Variants in ARHGAP10 observed in about 807,000 individuals in gnomAD.
ARHGAP10 encodes Rho GTPase activating protein 10.
Under a neutral mutation model 108.6 loss-of-function variants are expected in ARHGAP10, and 87 were observed. The observed-to-expected ratio is 0.80, with a 90% confidence interval of 0.67 to 0.96. The LOEUF is 0.96. Ranked by LOEUF, ARHGAP10 falls within the 40% of genes least tolerant of loss-of-function variation. ARHGAP10 has a pLI of 0.00. For synonymous variants in ARHGAP10, 347 were observed against 341.1 expected, an observed-to-expected ratio of 1.02 and a Z score of -0.19; for missense variants, 939 against 954.5, an observed-to-expected ratio of 0.98 and a Z score of 0.21.
intron 13 of ARHGAP10, among the ~76,000 whole-genome samples, chr4:147,918,247 T>G (rs1433692010): frequency 2.0e-5 from 3 of 150,872 alleles, no homozygotes; most frequent in Non-Finnish European, 1.5e-5. Flanking sequence ...ACCATTCTCC[T>G]GCCTCAGCCT....
intron 10 of ARHGAP10, among the ~76,000 whole-genome samples, chr4:147,901,309 T>G (rs946161367): frequency 6.6e-6 from 1 of 152,222 alleles, no homozygotes; most frequent in Non-Finnish European, 1.5e-5. Flanking sequence ...GAGCAGTCTT[T>G]GTGAGAGGGT....
At chr4:147,908,447 T>C (rs1451112832) in intron 11 of ARHGAP10, among the ~76,000 whole-genome samples, 1 of 152,180 alleles carries the variant, frequency 6.6e-6, no homozygotes, top group Non-Finnish European at 1.5e-5. Context: ...ATAACCTCTC[T>C]TTTAGAGTCA....
At chr4:147,873,444 G>C (rs1185106658) in intron 7 of ARHGAP10, among the ~76,000 whole-genome samples, 1 of 151,806 alleles carries the variant, frequency 6.6e-6, no homozygotes, top group African/African-American at 2.4e-5. Flanking sequence ...ATACACACAT[G>C]GGGGGAAATG....
In ARHGAP10 at chr4:147,866,743, T is replaced by G; in HGVS notation, c.629T>G (p.Phe210Cys). The change falls in exon 7 of 23, where the codon TTC becomes TGC. Residue 210 changes from phenylalanine (F) to cysteine (C), a missense_variant. Transcript: ENST00000336498. ...TCATTTTTTCAGGGGATGTTTACCT[T>G]CTATCATCAGGGCCATGAACTTGCC... ...MLSFFQGMFTFYHQGHELAKD... is the reference protein window; with the variant it reads ...MLSFFQGMFTCYHQGHELAKD... 1 of 1,613,976 alleles carries G rather than the reference T, an allele frequency of 6.2e-7. No homozygotes were observed. The highest frequency in any genetic ancestry group is 1.6e-4 in the Middle Eastern group (1 of 6,062).
Position 147,732,275 on chromosome 4 carries a change from G to C in ARHGAP10, c.-27G>C. The C allele has an allele frequency of 2.6e-6, 4 of 1,565,994 alleles. No homozygotes were observed. Among genetic ancestry groups the C allele is most frequent in the Non-Finnish European group, 3.4e-6 (4 of 1,161,678 alleles). On this transcript the variant is annotated 5_prime_UTR_variant, in exon 1 of 23. Transcript: ENST00000336498. ...GGCTCGGGCAGGAGCGCGCGGCCGT[G>C]CGCACCGCGCAGCGACCGCTGCCGT...
chr4:147,812,266 G>T (rs1419611088), intron 1 of ARHGAP10, among the ~76,000 whole-genome samples: 2 of 152,128 alleles, frequency 1.3e-5, no homozygotes, highest in East Asian at 1.9e-4. Flanking sequence ...TTGAAAAATG[G>T]GGTACTTGGT....
intron 13 of ARHGAP10, among the ~76,000 whole-genome samples, chr4:147,928,304 G>GGACAGTAGTGAGTGGATGT (rs1281763713): frequency 6.6e-6 from 1 of 152,148 alleles, no homozygotes; most frequent in Admixed American, 6.6e-5. Context: ...TCCTGGGATG[G>GGACAGTAGTGAGTGGATGT]GACAGTAGTG....
chr4:147,797,262 T>C (rs1731353848), intron 1 of ARHGAP10, among the ~76,000 whole-genome samples: 1 of 152,114 alleles, frequency 6.6e-6, no homozygotes, highest in Non-Finnish European at 1.5e-5. Context: ...GACTCCTTAT[T>C]ACCCTCCAGA....
intron 4 of ARHGAP10, 131 bp from the exon 5 acceptor site, chr4:147,857,422 G>C: frequency 2.2e-6 from 2 of 891,696 alleles, no homozygotes; most frequent in Non-Finnish European, 3.0e-6. Flanking sequence ...TGTTTTTTTA[G>C]ATAGCTTTAT....
At chr4:148,020,029 A>G (rs1741506690) in intron 18 of ARHGAP10, among the ~76,000 whole-genome samples, 1 of 152,188 alleles carries the variant, frequency 6.6e-6, no homozygotes, top group African/African-American at 2.4e-5. Context: ...AGTATCCCAC[A>G]TCTGAAAATC....
chr4:147,767,420 A>G (rs374871646), intron 1 of ARHGAP10, among the ~76,000 whole-genome samples: 1 of 151,930 alleles, frequency 6.6e-6, no homozygotes, highest in East Asian at 1.9e-4. Flanking sequence ...TCTGAGTGGT[A>G]ACTTAGTTTC....
intron 1 of ARHGAP10, among the ~76,000 whole-genome samples, chr4:147,811,670 T>C (rs1732027195): frequency 1.3e-5 from 2 of 152,206 alleles, no homozygotes; most frequent in Non-Finnish European, 2.9e-5. Context: ...AGCTGTTTTA[T>C]GTGCAACTGC....
intron 16 of ARHGAP10, among the ~76,000 whole-genome samples, chr4:147,958,793 T>C (rs985522416): frequency 6.6e-6 from 1 of 152,232 alleles, no homozygotes; most frequent in Admixed American, 6.5e-5. Context: ...TGAAATAATT[T>C]AGCATTTATC....
intron 18 of ARHGAP10, among the ~76,000 whole-genome samples, chr4:147,978,859 T>C (rs1051033259): frequency 6.6e-6 from 1 of 152,254 alleles, no homozygotes; most frequent in Non-Finnish European, 1.5e-5. Context: ...TTTGTCCGTC[T>C]TCTTTTGAGA....
intron 3 of ARHGAP10, among the ~76,000 whole-genome samples, chr4:147,832,369 C>G (rs1732986260): frequency 6.7e-6 from 1 of 150,374 alleles, no homozygotes; most frequent in Admixed American, 6.6e-5. Flanking sequence ...AAAGAGGAGT[C>G]CAGGCACGGT....
chr4:147,989,237 A>G (rs1740168860), intron 18 of ARHGAP10, among the ~76,000 whole-genome samples: 1 of 152,226 alleles, frequency 6.6e-6, no homozygotes, highest in African/African-American at 2.4e-5. Flanking sequence ...AGTACTTAAC[A>G]GGGTAATAGA....
intron 3 of ARHGAP10, among the ~76,000 whole-genome samples, chr4:147,837,891 A>G (rs1322074197): frequency 6.6e-6 from 1 of 152,006 alleles, no homozygotes; most frequent in Non-Finnish European, 1.5e-5. Flanking sequence ...TTGTAAGACA[A>G]CATTATTTTC....
chr4:147,772,388 G>GT (rs570388239), intron 1 of ARHGAP10, among the ~76,000 whole-genome samples: 1 of 152,208 alleles, frequency 6.6e-6, no homozygotes, highest in African/African-American at 2.4e-5. Flanking sequence ...CCTCTCTGCA[G>GT]TTTTTTATCT....
chr4:147,772,417 C>A lies in ARHGAP10; in HGVS notation c.154+39962C>A, dbSNP rs139557083. Among the ~76,000 whole-genome samples, 385 of 152,238 alleles carry A rather than the reference C, an allele frequency of 2.5e-3. 1 individual carries two copies. The highest frequency in any genetic ancestry group is 4.7e-3 in the Non-Finnish European group (323 of 68,024). On this transcript the variant is annotated intron_variant, in intron 1 of 22. Transcript: ENST00000336498. ...TTTATCTTTTTTTTAAGCCACAGTT[C>A]TACAGACAGATGGGAAGTTTAGAGC...
Sources: gnomAD v4.1 joint callset for allele counts (sites outside exome capture counted in the v4.1 genomes callset) on GRCh38, gnomAD v4.1.1 for gene constraint, MANE v1.5 for transcripts, NCBI Gene and HGNC (gene_info 2026-07-23, HGNC 2026-07-21) for gene names.